SLCO2A1: variants seen among roughly 807,000 people sequenced by gnomAD.
The protein encoded by SLCO2A1 is matrin F/G 1.
SLCO2A1 carries 60 observed loss-of-function variants against 71.7 expected under a neutral mutation model. The ratio of observed to expected loss-of-function variants is 0.84; its 90% confidence interval spans 0.68 to 1.04. SLCO2A1 has a LOEUF of 1.04. Among genes scored for constraint, SLCO2A1 ranks in the 50% least tolerant of loss-of-function variants. The pLI is 0.00. For missense variants in SLCO2A1, 745 were observed against 813.4 expected (o/e 0.92, Z 1.02); for synonymous variants, 308 against 326.7 (o/e 0.94, Z 0.62).
At position 133,985,657 on chromosome 3, in the gene SLCO2A1, A is replaced by G. The variant is rs75531656; in HGVS notation, c.97-6039T>C. ...TATTGACATTTCCTCCCACCAGAAT[A>G]TAGACTTCATGGTGGAAATACAATG... On this transcript the variant is annotated intron_variant, in intron 1 of 13. Coordinates refer to ENST00000310926, the MANE Select transcript of SLCO2A1 (RefSeq NM_005630.3). Among the ~76,000 whole-genome samples, 66 of 152,330 alleles carry G rather than the reference A, an allele frequency of 4.3e-4. 2 individuals carry two copies. The East Asian group carries it at 0.013, about 29-fold the overall frequency.
rs993868264 is a variant in SLCO2A1 at position 133,947,280 on chromosome 3, G to T, written c.1271C>A (p.Thr424Asn). The change falls in exon 9 of 14, where the codon ACT (threonine) becomes AAT (asparagine). Residue 424 changes from threonine (T) to asparagine (N), a missense_variant. Thr to Asn is a moderately conservative substitution (Grantham distance 65). Transcript: ENST00000310926. ...PLFFMGCSTP[T>N]VAEVYPPSTS... ...CCTAGGGGGGTAGACTTCGGCCACAGTTGGGGTGGAGCATCCCATGAAGAA... is the reference window on the plus strand; with the variant it reads ...CCTAGGGGGGTAGACTTCGGCCACATTTGGGGTGGAGCATCCCATGAAGAA... 3 of 1,614,056 alleles carry T rather than the reference G, an allele frequency of 1.9e-6. No individual in the cohort carries two copies. In the African/African-American group the frequency reaches 4.0e-5, roughly 22 times the overall value.
At position 134,011,581 on chromosome 3, in the gene SLCO2A1, G is replaced by T. The variant is rs541859553; in HGVS notation, c.96+18126C>A. Among the ~76,000 whole-genome samples the T allele has an allele frequency of 2.0e-5, 3 of 152,328 alleles. No homozygotes were observed. In the East Asian group the frequency reaches 5.8e-4, roughly 29 times the overall value. ...AGGTGGAGTAGTTGCCATATACAAG[G>T]CTGGTTCTTCATTAACTTGGACCTG... On this transcript the variant is annotated intron_variant, in intron 1 of 13. Transcript: ENST00000310926.
At chr3:134,005,987 T>C (rs765648639) in intron 1 of SLCO2A1, among the ~76,000 whole-genome samples, 2 of 152,208 alleles carry the variant, frequency 1.3e-5, no homozygotes, top group Non-Finnish European at 2.9e-5. Flanking sequence ...TCAATGTCTT[T>C]TGTCTTAATG....
Position 133,934,486 on chromosome 3 carries a change from A to C in SLCO2A1, c.*227T>G. ...GGGGCCTCTTCCAAGGGGCCAGGGA[A>C]GACTCAGCCCCCCAGTTCTGGCCCA... On this transcript the variant is annotated 3_prime_UTR_variant, in exon 14 of 14. Transcript: ENST00000310926. 7.0e-6 allele frequency: 3 copies of C among 427,536 alleles called. No individual in the cohort carries two copies. Among genetic ancestry groups the C allele is most frequent in the East Asian group, 4.3e-5 (1 of 23,092 alleles). The allele number at this position is 427,536 out of a possible 1,614,324, so 26.5% of individuals were successfully genotyped here. A position where few individuals can be genotyped will look rare whatever the true frequency, so the allele number is the denominator to read the frequency against.
intron 3 of SLCO2A1, among the ~76,000 whole-genome samples, chr3:133,956,010 C>T (rs1933890099): frequency 6.6e-6 from 1 of 152,160 alleles, no homozygotes; most frequent in Non-Finnish European, 1.5e-5. Flanking sequence ...CGCTTCCATG[C>T]CTCTGTTTTT....
At chr3:133,970,115 G>A (rs948362345) in intron 3 of SLCO2A1, among the ~76,000 whole-genome samples, 38 of 152,096 alleles carry the variant, frequency 2.5e-4, no homozygotes, top group Non-Finnish European at 4.4e-5. Context: ...TTCTCCTTTG[G>A]GATCCAGAAA....
intron 3 of SLCO2A1, 36 bp downstream of exon 3, chr3:133,973,627 C>T (rs55947930): frequency 1.9e-6 from 3 of 1,606,970 alleles, no homozygotes; most frequent in Admixed American, 3.3e-5. Flanking sequence ...TTCACCCATT[C>T]CTTACCCCTT....
chr3:133,984,312 T>C (rs17885027), intron 1 of SLCO2A1, among the ~76,000 whole-genome samples: 24,492 of 152,070 alleles, frequency 0.16, 2,058 homozygotes, highest in Non-Finnish European at 0.18. Flanking sequence ...CCCCCACCCC[T>C]TCACAGAGCC....
intron 1 of SLCO2A1, among the ~76,000 whole-genome samples, chr3:133,983,957 C>A (rs892799577): frequency 3.3e-5 from 5 of 152,084 alleles, no homozygotes; most frequent in African/African-American, 1.2e-4. Flanking sequence ...GCCTGAGGGC[C>A]AGGAAGAGGT....
intron 1 of SLCO2A1, among the ~76,000 whole-genome samples, chr3:134,008,218 C>A (rs1272529072): frequency 6.6e-6 from 1 of 152,218 alleles, no homozygotes; most frequent in Non-Finnish European, 1.5e-5. Context: ...TTCTCTCTCA[C>A]AAAACCAAAT....
intron 1 of SLCO2A1, among the ~76,000 whole-genome samples, chr3:133,980,077 G>A (rs148155604): frequency 2.6e-5 from 4 of 152,264 alleles, no homozygotes; most frequent in Non-Finnish European, 4.4e-5. Context: ...GAACAAGCCC[G>A]GGTCACATGG....
intron 11 of SLCO2A1, among the ~76,000 whole-genome samples, chr3:133,941,378 C>T (rs1202966969): frequency 6.6e-6 from 1 of 152,030 alleles, no homozygotes; most frequent in East Asian, 1.9e-4. Flanking sequence ...CCTTTGAGTT[C>T]GATATCATCA....
At position 134,022,587 on chromosome 3, in the gene SLCO2A1, C is replaced by G. The variant is rs182316591; in HGVS notation, c.96+7120G>C. 2.7e-3 allele frequency among the ~76,000 whole-genome samples: 407 copies of G among 152,214 alleles called. 7 individuals are homozygous for G. Among genetic ancestry groups the G allele is most frequent in the African/African-American group, 9.4e-3 (390 of 41,528 alleles). ...AGGTTTTTCTTAAAGCACCAACCTG[C>G]TCTTTAGCAAAAATTATAAAAGGTT... On this transcript the variant is annotated intron_variant, in intron 1 of 13. Coordinates refer to ENST00000310926, the MANE Select transcript of SLCO2A1 (RefSeq NM_005630.3).
intron 1 of SLCO2A1, among the ~76,000 whole-genome samples, chr3:134,001,798 G>A (rs1354765218): frequency 1.3e-5 from 2 of 152,198 alleles, no homozygotes; most frequent in Admixed American, 6.5e-5. Flanking sequence ...GGTCAAGGCA[G>A]GAGATCAAGA....
chr3:134,017,166 C>T (rs1395802218), intron 1 of SLCO2A1, among the ~76,000 whole-genome samples: 1 of 152,120 alleles, frequency 6.6e-6, no homozygotes, highest in Non-Finnish European at 1.5e-5. Context: ...TGCAATGGCA[C>T]AGAACTATAC....
intron 1 of SLCO2A1, among the ~76,000 whole-genome samples, chr3:134,001,937 G>T (rs1305347178): frequency 6.6e-6 from 1 of 152,136 alleles, no homozygotes; most frequent in African/African-American, 2.4e-5. Flanking sequence ...CGCCACCCTC[G>T]TGAAAGGGAT....
At chr3:133,947,939 G>A (rs187356811) in intron 8 of SLCO2A1, among the ~76,000 whole-genome samples, 170 of 152,268 alleles carry the variant, frequency 1.1e-3, no homozygotes, top group Non-Finnish European at 1.5e-3. Context: ...GTTGGGTTGG[G>A]CCCAGTGATT....
chr3:133,955,408 G>A (rs887003027), intron 3 of SLCO2A1: 9 of 568,210 alleles, frequency 1.6e-5, no homozygotes, highest in African/African-American at 1.3e-4. Flanking sequence ...GAGGTGGAAT[G>A]TGGGCTCCCC....
rs145126239 is a variant in SLCO2A1, at chr3:134,012,706, A to G, written c.96+17001T>C. On this transcript the variant is annotated intron_variant, in intron 1 of 13. Coordinates refer to ENST00000310926, the MANE Select transcript of SLCO2A1 (RefSeq NM_005630.3). ...TACATAGAAACCAGAGAGGGAAATGAGCTCCACCGCTGTGCAGAAGCCCAG... is the reference window on the plus strand; with the variant it reads ...TACATAGAAACCAGAGAGGGAAATGGGCTCCACCGCTGTGCAGAAGCCCAG... Among the ~76,000 whole-genome samples the G allele has an allele frequency of 4.9e-3, 740 of 152,226 alleles. 7 individuals are homozygous for G. The highest frequency in any genetic ancestry group is 0.017 in the African/African-American group (694 of 41,510).
Sources: allele counts gnomAD v4.1 joint callset (sites outside exome capture counted in the v4.1 genomes callset), GRCh38; gene constraint gnomAD v4.1.1; transcripts MANE v1.5; gene names NCBI Gene and HGNC (gene_info 2026-07-23, HGNC 2026-07-21).